The following RBL1 variants were observed in gnomAD, a reference collection of about 807,000 sequenced individuals.
The protein encoded by RBL1 is retinoblastoma-like protein 1.
RBL1 carries 82 observed loss-of-function variants against 123.0 expected under a neutral mutation model. The ratio of observed to expected loss-of-function variants is 0.67; its 90% CI spans 0.56 to 0.80. The LOEUF (loss-of-function observed/expected upper bound fraction) is 0.80. Among genes scored for constraint, RBL1 ranks in the 30% least tolerant of loss-of-function variants. RBL1 has a pLI of 0.00. For synonymous variants in RBL1, 405 were observed against 441.3 expected, an observed-to-expected ratio of 0.92 and a Z score of 1.03; for missense variants, 1,171 against 1,299.6, an observed-to-expected ratio of 0.90 and a Z score of 1.52.
intron 7 of RBL1, among the ~76,000 whole-genome samples, chr20:37,063,741 A>T (rs1273676294): frequency 6.6e-6 from 1 of 150,836 alleles, no homozygotes; most frequent in Non-Finnish European, 1.5e-5. Flanking sequence ...CAAACTCCTG[A>T]CCTCAAGTGA....
At chr20:37,086,914 A>G (rs187595796) in intron 2 of RBL1, among the ~76,000 whole-genome samples, 1 of 152,364 alleles carries the variant, frequency 6.6e-6, no homozygotes, top group East Asian at 1.9e-4. Flanking sequence ...TGGATAACAC[A>G]TGCCATCATC....
At chr20:37,034,888 T>C (rs6030901) in intron 15 of RBL1, among the ~76,000 whole-genome samples, 17 of 152,172 alleles carry the variant, frequency 1.1e-4, no homozygotes, top group African/African-American at 4.1e-4. Context: ...TCAAAATCAA[T>C]AAACTATTCA....
chr20:37,032,199 T>C (rs1439820910), intron 16 of RBL1, among the ~76,000 whole-genome samples: 1 of 152,240 alleles, frequency 6.6e-6, no homozygotes, highest in African/African-American at 2.4e-5. Context: ...TTTTTTCTTT[T>C]GTTCTTTTTT....
chr20:37,020,711 G>C lies in RBL1; in HGVS notation c.2579C>G (p.Thr860Ser). 6.3e-7 allele frequency: 1 copy of C among 1,585,162 alleles called. No homozygotes were observed. Among genetic ancestry groups the C allele is most frequent in the Non-Finnish European group, 8.6e-7 (1 of 1,162,412 alleles). ...IMAKVTKEER[T>S]FQEIMKSYRN... is the part of the protein sequence containing the mutation. The stretch of plus-strand genomic sequence containing the variant: ...ATAACTTTTCATAATTTCTTGAAAA[G>C]TTCTTTCTTCTTTTGTTACCTAAGG... Residue 860 changes from threonine (T) to serine (S), a missense_variant, in exon 18 of 22, where the codon ACT (threonine) becomes AGT (serine). By Grantham distance (58) the Thr-to-Ser change is moderately conservative. Coordinates refer to ENST00000373664, the MANE Select transcript of RBL1 (RefSeq NM_002895.5).
At chr20:37,054,127 T>A (rs1280177914) in intron 11 of RBL1, among the ~76,000 whole-genome samples, 1 of 152,066 alleles carries the variant, frequency 6.6e-6, no homozygotes, top group East Asian at 1.9e-4. Context: ...GGAAACTGGA[T>A]AAAGGATGTG....
chr20:37,010,031 TA>T (rs140519985), intron 19 of RBL1, among the ~76,000 whole-genome samples: 2 of 149,444 alleles, frequency 1.3e-5, no homozygotes, highest in African/African-American at 2.5e-5. Flanking sequence ...TCTCTAAAAT[TA>T]AAAAAAAACT....
chr20:37,047,386 T>C (rs1211140721), intron 11 of RBL1, among the ~76,000 whole-genome samples, 196 bp from the exon 12 acceptor site: 5 of 152,192 alleles, frequency 3.3e-5, no homozygotes, highest in Non-Finnish European at 7.3e-5. Flanking sequence ...AGGGAATAAA[T>C]TTAAATAAGG....
intron 1 of RBL1, among the ~76,000 whole-genome samples, chr20:37,092,849 C>T (rs1324137399): frequency 6.6e-6 from 1 of 152,056 alleles, no homozygotes; most frequent in Non-Finnish European, 1.5e-5. Flanking sequence ...AAATAGAATA[C>T]AATTCTATTT....
chr20:37,022,649 C>T lies in RBL1; in HGVS notation c.2559+1G>A, dbSNP rs2064359434. Reference sequence around the variant, plus strand: ...GCCTCTTCTCCCAATTTATACATTACCTTTGCCATGATATAAAAGGCACAA... The same window carrying T: ...GCCTCTTCTCCCAATTTATACATTATCTTTGCCATGATATAAAAGGCACAA... On this transcript the variant is annotated splice_donor_variant, in intron 17 of 21. Transcript: ENST00000373664. LOFTEE classifies it high-confidence loss of function. 6.2e-7 allele frequency: 1 copy of T among 1,606,432 alleles called. No homozygotes were observed. The highest frequency in any genetic ancestry group is 1.3e-5 in the African/African-American group (1 of 74,798).
chr20:37,067,700 A>T (rs2065200545), intron 3 of RBL1, among the ~76,000 whole-genome samples: 1 of 146,452 alleles, frequency 6.8e-6, no homozygotes, highest in Non-Finnish European at 1.5e-5. Flanking sequence ...AACCTGGGAG[A>T]CAGAGGTTGC....
chr20:37,017,535 T>C (rs1402941686), intron 19 of RBL1, among the ~76,000 whole-genome samples: 1 of 151,956 alleles, frequency 6.6e-6, no homozygotes, highest in Non-Finnish European at 1.5e-5. Context: ...CCTGAAGTCT[T>C]AGCATGATGG....
intron 11 of RBL1, 76 bp downstream of exon 11, chr20:37,055,477 T>C (rs931962694): frequency 3.7e-6 from 6 of 1,604,566 alleles, no homozygotes; most frequent in South Asian, 1.1e-5. Flanking sequence ...CACAACGCCT[T>C]ACAGAGCCTC....
Position 37,033,763 on chromosome 20 carries a change from C to T in RBL1, c.2171-887G>A, listed in dbSNP as rs1017880351. 2.6e-5 allele frequency among the ~76,000 whole-genome samples: 4 copies of T among 151,052 alleles called. No individual in the cohort carries two copies. The East Asian group carries it at 7.9e-4, about 30-fold the overall frequency. ...AATAGTTGGGACTACAGGCATGCGCCACCACACCCGGCTAATGTTTTTTCT... is the reference window on the plus strand; with the variant it reads ...AATAGTTGGGACTACAGGCATGCGCTACCACACCCGGCTAATGTTTTTTCT... On this transcript the variant is annotated intron_variant, in intron 15 of 21. Transcript: ENST00000373664.
At chr20:37,049,985 C>G (rs1384037864) in intron 11 of RBL1, among the ~76,000 whole-genome samples, 5 of 150,686 alleles carry the variant, frequency 3.3e-5, no homozygotes, top group African/African-American at 9.7e-5. Flanking sequence ...TAGCTGGAAC[C>G]TGGGAGGCGG....
At chr20:37,059,320 G>A (rs1334361356) in intron 9 of RBL1, among the ~76,000 whole-genome samples, 1 of 152,162 alleles carries the variant, frequency 6.6e-6, no homozygotes, top group African/African-American at 2.4e-5. Flanking sequence ...GCTCAGCTAT[G>A]TTCAGCTTTT....
intron 11 of RBL1, among the ~76,000 whole-genome samples, chr20:37,054,612 T>C (rs1275475302): frequency 1.3e-5 from 2 of 151,470 alleles, no homozygotes; most frequent in East Asian, 2.0e-4. Flanking sequence ...GGCAGATCAC[T>C]TGAGGTCAGG....
At chr20:37,082,567 C>T (rs1425997716) in intron 2 of RBL1, among the ~76,000 whole-genome samples, 2 of 152,100 alleles carry the variant, frequency 1.3e-5, no homozygotes, top group African/African-American at 2.4e-5. Flanking sequence ...ACCAACCACA[C>T]ATCAAAAATA....
intron 2 of RBL1, among the ~76,000 whole-genome samples, chr20:37,076,064 C>T (rs2065358775): frequency 6.6e-6 from 1 of 152,136 alleles, no homozygotes; most frequent in African/African-American, 2.4e-5. Context: ...GACTAATAGA[C>T]TGTCACCAGG....
intron 2 of RBL1, among the ~76,000 whole-genome samples, chr20:37,072,020 TA>T (rs1422212204): frequency 6.6e-6 from 1 of 152,200 alleles, no homozygotes; most frequent in African/African-American, 2.4e-5. Flanking sequence ...TAAAACGTCC[TA>T]ATACAGCATT....
Sources: allele counts gnomAD v4.1 joint callset (sites outside exome capture counted in the v4.1 genomes callset), GRCh38; gene constraint gnomAD v4.1.1; transcripts MANE v1.5; gene names NCBI Gene and HGNC (gene_info 2026-07-23, HGNC 2026-07-21).